The following NCOA1 variants were observed in gnomAD, a reference collection of about 807,000 sequenced individuals.
The protein encoded by NCOA1 is Hin-2 protein.
A neutral mutation model predicts 150.9 loss-of-function variants in NCOA1; 35 were observed. The ratio of observed to expected loss-of-function variants is 0.23; its 90% confidence interval spans 0.18 to 0.31. The LOEUF (loss-of-function observed/expected upper bound fraction) is 0.31. NCOA1 is among the 10% of genes least tolerant of loss of function. NCOA1 has a pLI of 1.00. For synonymous variants in NCOA1, 590 were observed against 630.0 expected (o/e 0.94, Z 0.95); for missense variants, 1,491 against 1,749.3 (o/e 0.85, Z 2.63).
At chr2:24,503,739 T>TG (rs1469865320) in intron 1 of NCOA1, among the ~76,000 whole-genome samples, 1 of 151,472 alleles carries the variant, frequency 6.6e-6, no homozygotes, top group Non-Finnish European at 1.5e-5. Context: ...CTCTGTTTTT[T>TG]TTTTTTTTTT....
intron 10 of NCOA1, among the ~76,000 whole-genome samples, chr2:24,694,928 T>C (rs1672831548): frequency 6.6e-6 from 1 of 151,906 alleles, no homozygotes; most frequent in African/African-American, 2.4e-5. Context: ...CCAGTTAACA[T>C]AAAAAGAAAC....
intron 17 of NCOA1, among the ~76,000 whole-genome samples, chr2:24,730,178 C>G (rs923927351): frequency 6.6e-6 from 1 of 152,096 alleles, no homozygotes; most frequent in Non-Finnish European, 1.5e-5. Flanking sequence ...TATACCAAAT[C>G]TCTCTGCAAG....
intron 4 of NCOA1, among the ~76,000 whole-genome samples, chr2:24,651,500 A>G (rs763461890): frequency 1.2e-4 from 19 of 152,226 alleles, no homozygotes; most frequent in Non-Finnish European, 2.6e-4. Flanking sequence ...ATCTTTAAAA[A>G]CAAAGGCAAA....
rs1032335208 is a variant in NCOA1 at position 24,769,723 on chromosome 2, C to T, written c.*1332C>T. On this transcript the variant is annotated 3_prime_UTR_variant, in exon 23 of 23. Transcript: ENST00000348332. ...GTCTTGTGACTCTGCCACATCCCATCTCATCCTGGCCTCTGAGTCAAGAAC... is the reference window on the plus strand; with the variant it reads ...GTCTTGTGACTCTGCCACATCCCATTTCATCCTGGCCTCTGAGTCAAGAAC... The T allele has an allele frequency of 4.5e-6, 1 of 220,772 alleles. No individual in the cohort carries two copies. The highest frequency in any genetic ancestry group is 2.2e-5 in the African/African-American group (1 of 44,766). The allele number at this position is 220,772 out of a possible 1,614,324, so 13.7% of individuals were successfully genotyped here. A position where few individuals can be genotyped will look rare whatever the true frequency, so the allele number is the denominator to read the frequency against.
intron 20 of NCOA1, among the ~76,000 whole-genome samples, chr2:24,755,440 TTGTTAATACC>T (rs1664451077): frequency 6.6e-6 from 1 of 152,378 alleles, no homozygotes; most frequent in African/African-American, 2.4e-5. Flanking sequence ...ACTCCCCTGC[TTGTTAATACC>T]TGTAATATCT....
chr2:24,615,963 A>G (rs1668856323), intron 3 of NCOA1, among the ~76,000 whole-genome samples: 1 of 152,250 alleles, frequency 6.6e-6, no homozygotes, highest in Non-Finnish European at 1.5e-5. Flanking sequence ...TTATAAGGAC[A>G]GTGTTAGAAT....
chr2:24,754,641 C>T (rs948817583), intron 20 of NCOA1, among the ~76,000 whole-genome samples: 7 of 152,164 alleles, frequency 4.6e-5, no homozygotes, highest in Non-Finnish European at 8.8e-5. Flanking sequence ...CTACCCCTGG[C>T]GCCTCCTTTC....
At chr2:24,747,327 C>CTT (rs148901218) in intron 19 of NCOA1, among the ~76,000 whole-genome samples, 2,706 of 120,038 alleles carry the variant, frequency 0.023, 32 homozygotes, top group African/African-American at 0.03. Context: ...TTATTTTTCT[C>CTT]TTTTTTTTTT....
At chr2:24,494,018 A>G (rs555204196) in intron 1 of NCOA1, among the ~76,000 whole-genome samples, 1 of 152,304 alleles carries the variant, frequency 6.6e-6, no homozygotes, top group South Asian at 2.1e-4. Flanking sequence ...CTTTTACTCT[A>G]TAGGGAAGGG....
intron 9 of NCOA1, among the ~76,000 whole-genome samples, chr2:24,692,354 A>G (rs1672704302): frequency 1.3e-5 from 2 of 152,234 alleles, no homozygotes; most frequent in Admixed American, 1.3e-4. Flanking sequence ...TTTACAAAAT[A>G]CACATGCCAA....
Position 24,707,106 on chromosome 2 carries a change from G to A in NCOA1, c.1636G>A (p.Glu546Lys). The change falls in exon 13 of 23, where the codon GAA (glutamate) becomes AAA (lysine). Residue 546 changes from glutamate (E) to lysine (K), a missense_variant. Transcript: ENST00000348332. ...AGTAACATCTTTACAGGGTATGAAT[G>A]AAGGACCCAATAACTCCGTTGGCTT... The part of the protein sequence containing the change: ...IPVTSLQGMN[E>K]GPNNSVGFSA... 1.9e-6 allele frequency: 3 copies of A among 1,614,192 alleles called. No homozygotes were observed. Among genetic ancestry groups the A allele is most frequent in the Non-Finnish European group, 2.5e-6 (3 of 1,180,030 alleles).
intron 7 of NCOA1, among the ~76,000 whole-genome samples, chr2:24,673,804 T>A (rs1321261220): frequency 2.0e-5 from 3 of 152,226 alleles, no homozygotes; most frequent in Non-Finnish European, 2.9e-5. Flanking sequence ...GTTATCTATA[T>A]GTATACCATA....
chr2:24,735,336 C>T (rs1663242207), intron 17 of NCOA1, among the ~76,000 whole-genome samples: 1 of 152,062 alleles, frequency 6.6e-6, no homozygotes, highest in Non-Finnish European at 1.5e-5. Flanking sequence ...GATACCCACC[C>T]ATCTGTTCGC....
intron 1 of NCOA1, among the ~76,000 whole-genome samples, chr2:24,563,507 C>T (rs954317209): frequency 6.6e-6 from 1 of 151,914 alleles, no homozygotes; most frequent in Admixed American, 6.6e-5. Context: ...ATAGCAAAAG[C>T]CAGTAAATCT....
rs1377254420 is a variant in NCOA1, at chr2:24,728,233, C to T, written c.2718-75C>T. On this transcript the variant is annotated intron_variant, in intron 15 of 22. Coordinates refer to ENST00000348332, the MANE Select transcript of NCOA1 (RefSeq NM_003743.5). The stretch of plus-strand genomic sequence containing the variant: ...GAATTTTCTAAGACCAAATTTGCAT[C>T]TATATATGTATATAAAGATTGAATA... 17 of 1,333,954 alleles carry T rather than the reference C, an allele frequency of 1.3e-5. No homozygotes were observed. In the Admixed American group the frequency reaches 4.3e-4, roughly 33 times the overall value. The allele number at this position is 1,333,954 out of a possible 1,614,324, so 82.6% of individuals were successfully genotyped here.
chr2:24,618,860 G>GAT (rs1327777458), intron 3 of NCOA1, among the ~76,000 whole-genome samples: 2 of 152,266 alleles, frequency 1.3e-5, no homozygotes, highest in African/African-American at 4.8e-5. Context: ...ATTGAGGCAT[G>GAT]TCATGCTAAT....
rs536865782 is a variant in NCOA1 at position 24,628,102 on chromosome 2, C to A, written c.-174-15864C>A. Among the ~76,000 whole-genome samples, 35 of 152,182 alleles carry A rather than the reference C, an allele frequency of 2.3e-4. No homozygotes were observed. In the Middle Eastern group the frequency reaches 0.01, roughly 44 times the overall value. On this transcript the variant is annotated intron_variant, in intron 3 of 22. Coordinates refer to ENST00000348332, the MANE Select transcript of NCOA1 (RefSeq NM_003743.5). ...AGGACCTGAGGTCAGGAGTTTGAGACCAGCTTGGCCAACATGTTGAAACCC... is the reference window on the plus strand; with the variant it reads ...AGGACCTGAGGTCAGGAGTTTGAGAACAGCTTGGCCAACATGTTGAAACCC...
rs1280311245 is a variant in NCOA1 at position 24,564,428 on chromosome 2, G to T, written c.-262G>T. The stretch of plus-strand genomic sequence containing the variant: ...AACATTTAGAATTTCTACTTATTCT[G>T]AGGTATTTGAGACACAATTTTACTT... On this transcript the variant is annotated splice_region_variant and 5_prime_UTR_variant, in exon 2 of 23. Coordinates refer to ENST00000348332, the MANE Select transcript of NCOA1 (RefSeq NM_003743.5). 2 of 152,208 alleles carry T rather than the reference G, an allele frequency of 1.3e-5. No individual in the cohort carries two copies. Among genetic ancestry groups the T allele is most frequent in the African/African-American group, 4.8e-5 (2 of 41,458 alleles). The allele number at this position is 152,208 out of a possible 1,614,324, so 9.4% of individuals were successfully genotyped here.
At chr2:24,703,029 TTTG>T (rs895965872) in intron 11 of NCOA1, among the ~76,000 whole-genome samples, 1 of 152,208 alleles carries the variant, frequency 6.6e-6, no homozygotes, top group African/African-American at 2.4e-5. Flanking sequence ...AAGCTGCGTA[TTTG>T]TTGGGTTTTT....
Sources: allele counts gnomAD v4.1 joint callset (sites outside exome capture counted in the v4.1 genomes callset), GRCh38; gene constraint gnomAD v4.1.1; transcripts MANE v1.5; gene names NCBI Gene and HGNC (gene_info 2026-07-23, HGNC 2026-07-21).